Variants in ORC4 observed in about 807,000 individuals in gnomAD.
ORC4 encodes origin recognition complex subunit 4.
A neutral mutation model predicts 63.9 loss-of-function variants in ORC4; 55 were observed. The ratio of observed to expected loss-of-function variants is 0.86; its 90% CI spans 0.69 to 1.08. The LOEUF (loss-of-function observed/expected upper bound fraction) is 1.08. Among genes scored for constraint, ORC4 ranks in the 50% least tolerant of loss-of-function variants. The probability of loss-of-function intolerance (pLI) is 0.00; values close to 1 mark genes in which losing one functional copy is unlikely to be tolerated. For synonymous variants in ORC4, 150 were observed against 168.5 expected (o/e 0.89, Z 0.85); for missense variants, 511 against 504.4 (o/e 1.01, Z -0.13).
Position 147,979,484 on chromosome 2 carries a change from A to G in ORC4, c.-17-3509T>C, listed in dbSNP as rs10469571. Among the ~76,000 whole-genome samples the G allele has an allele frequency of 9.8e-3, 1,498 of 152,310 alleles. 27 individuals carry two copies. Among genetic ancestry groups the G allele is most frequent in the African/African-American group, 0.034 (1,419 of 41,572 alleles). On this transcript the variant is annotated intron_variant, in intron 1 of 13. Coordinates refer to ENST00000392857, the MANE Select transcript of ORC4 (RefSeq NM_181741.4). ...ATACTCCATGTTCATGGACTGAAAG[A>G]ATCAATGTTATTAAAATGTCCCTAC...
intron 4 of ORC4, among the ~76,000 whole-genome samples, chr2:147,961,190 A>G (rs1573794319): frequency 1.3e-5 from 2 of 152,126 alleles, no homozygotes; most frequent in East Asian, 3.9e-4. Flanking sequence ...CTGTAATCCC[A>G]GCACTTTGGA....
intron 1 of ORC4, among the ~76,000 whole-genome samples, chr2:148,001,779 T>C (rs12476827): frequency 0.26 from 39,564 of 151,980 alleles, 5,975 homozygotes; most frequent in East Asian, 0.46. Flanking sequence ...TAAATGTAAA[T>C]GGGCTAACTG....
chr2:147,971,738 G>C (rs1045401227), intron 4 of ORC4, among the ~76,000 whole-genome samples: 21 of 151,972 alleles, frequency 1.4e-4, no homozygotes, highest in African/African-American at 4.8e-4. Context: ...AGTGATTATA[G>C]AAGCTGAGTA....
At chr2:147,938,802 G>A (rs954674961) in intron 11 of ORC4, among the ~76,000 whole-genome samples, 5 of 151,846 alleles carry the variant, frequency 3.3e-5, no homozygotes, top group African/African-American at 7.3e-5. Context: ...TTTTTTCCCC[G>A]GAGAGGAAAA....
At chr2:147,970,093 A>G (rs1690124884) in intron 4 of ORC4, among the ~76,000 whole-genome samples, 2 of 152,142 alleles carry the variant, frequency 1.3e-5, no homozygotes, top group African/African-American at 4.8e-5. Context: ...GGAAATAAAA[A>G]ACACAGTACT....
At chr2:147,981,627 G>A (rs1481068416) in intron 1 of ORC4, among the ~76,000 whole-genome samples, 1 of 152,022 alleles carries the variant, frequency 6.6e-6, no homozygotes, top group Non-Finnish European at 1.5e-5. Context: ...GCTTAATTTT[G>A]TCATTCCACA....
At chr2:147,950,427 C>T (rs140091955) in intron 8 of ORC4, among the ~76,000 whole-genome samples, 370 of 152,232 alleles carry the variant, frequency 2.4e-3, no homozygotes, top group African/African-American at 8.4e-3. Flanking sequence ...GTCACTACTC[C>T]CTCTATACTT....
intron 1 of ORC4, among the ~76,000 whole-genome samples, chr2:147,999,292 T>C (rs1357132355): frequency 6.6e-6 from 1 of 151,824 alleles, no homozygotes; most frequent in Non-Finnish European, 1.5e-5. Context: ...AAGGTGAGGG[T>C]ATCAGACAAA....
intron 1 of ORC4, among the ~76,000 whole-genome samples, chr2:148,014,623 G>A (rs2105474023): frequency 1.3e-5 from 2 of 152,086 alleles, no homozygotes; most frequent in Middle Eastern, 6.8e-3. Flanking sequence ...AATATAGTCG[G>A]CCCTTCATAG....
chr2:148,014,857 G>A (rs1218433892), intron 1 of ORC4, among the ~76,000 whole-genome samples: 8 of 152,216 alleles, frequency 5.3e-5, no homozygotes, highest in Middle Eastern at 6.8e-3. Context: ...AGGAATTTGA[G>A]CTGCCTGTGG....
intron 4 of ORC4, among the ~76,000 whole-genome samples, chr2:147,970,939 T>G (rs1311623310): frequency 6.6e-6 from 1 of 151,776 alleles, no homozygotes; most frequent in East Asian, 1.9e-4. Context: ...AGGACCAGCC[T>G]GGGAAACATG....
Position 147,930,876 on chromosome 2 carries a change from T to TTTAC in ORC4, c.*4633_*4634insGTAA, listed in dbSNP as rs1281976782. The TTTAC allele has an allele frequency of 1.3e-5, 2 of 151,946 alleles. No individual in the cohort carries two copies. The highest frequency in any genetic ancestry group is 2.9e-5 in the Non-Finnish European group (2 of 67,902). The allele number at this position is 151,946 out of a possible 1,614,324, so 9.4% of individuals were successfully genotyped here. A position where few individuals can be genotyped will look rare whatever the true frequency, so the allele number is the denominator to read the frequency against. ...GCTATGTTTTTTTTTTTTTTTATAC[T>TTTAC]TTAAGTTTTAGGGTACATGTGCACA... On this transcript the variant is annotated 3_prime_UTR_variant, in exon 14 of 14. Coordinates refer to ENST00000392857, the MANE Select transcript of ORC4 (RefSeq NM_181741.4).
chr2:147,943,151 T>C (rs1366749694), intron 10 of ORC4, among the ~76,000 whole-genome samples: 1 of 151,976 alleles, frequency 6.6e-6, no homozygotes, highest in Non-Finnish European at 1.5e-5. Flanking sequence ...TATTCAGAGA[T>C]TGGAACACTC....
chr2:148,004,152 A>G (rs1692477136), intron 1 of ORC4, among the ~76,000 whole-genome samples: 1 of 152,214 alleles, frequency 6.6e-6, no homozygotes, highest in Non-Finnish European at 1.5e-5. Context: ...CATGGATAGG[A>G]AGGATCAATA....
chr2:147,956,789 C>T (rs1338788537), intron 6 of ORC4, among the ~76,000 whole-genome samples: 3 of 151,888 alleles, frequency 2.0e-5, no homozygotes, highest in Non-Finnish European at 4.4e-5. Context: ...AAGATTAGAA[C>T]AGAATGATAA....
intron 1 of ORC4, among the ~76,000 whole-genome samples, chr2:147,995,337 T>TA (rs1691896698): frequency 6.6e-6 from 1 of 152,134 alleles, no homozygotes; most frequent in Non-Finnish European, 1.5e-5. Context: ...CAGCGCTCTG[T>TA]AAAATGGACC....
chr2:147,994,747 G>A (rs1216535518), intron 1 of ORC4, among the ~76,000 whole-genome samples: 3 of 152,200 alleles, frequency 2.0e-5, no homozygotes, highest in Non-Finnish European at 2.9e-5. Context: ...AAAAATGGCC[G>A]AGCACAGTGG....
chr2:148,003,609 C>T (rs531237501), intron 1 of ORC4, among the ~76,000 whole-genome samples: 31 of 152,270 alleles, frequency 2.0e-4, no homozygotes, highest in African/African-American at 7.5e-4. Context: ...TAGAACGTAT[C>T]TCAAAATAAT....
chr2:147,987,767 T>C lies in ORC4; in HGVS notation c.-17-11792A>G, dbSNP rs766170808. Among the ~76,000 whole-genome samples, 7 of 151,960 alleles carry C rather than the reference T, an allele frequency of 4.6e-5. 1 individual carries two copies. In the South Asian group the frequency reaches 6.2e-4, roughly 13 times the overall value. On this transcript the variant is annotated intron_variant, in intron 1 of 13. Coordinates refer to ENST00000392857, the MANE Select transcript of ORC4 (RefSeq NM_181741.4). ...AATAACCCTCTGGAATAAGAAAGTA[T>C]TGTAGGCTGGGCACAGTGGCTCCCA...
Sources: gnomAD v4.1 joint callset for allele counts (sites outside exome capture counted in the v4.1 genomes callset) on GRCh38, gnomAD v4.1.1 for gene constraint, MANE v1.5 for transcripts, NCBI Gene and HGNC (gene_info 2026-07-23, HGNC 2026-07-21) for gene names.